Variants in TBC1D22A observed in about 807,000 individuals in gnomAD.
TBC1D22A encodes the protein putative GTPase activator.
TBC1D22A carries 38 observed loss-of-function variants against 60.2 expected under a neutral mutation model. The observed-to-expected ratio is 0.63, with a 90% CI of 0.49 to 0.83. The LOEUF (loss-of-function observed/expected upper bound fraction) is 0.83, where lower values mean the gene tolerates loss of function less well. TBC1D22A is among the 40% of genes least tolerant of loss of function. TBC1D22A has a pLI of 0.00. For missense variants in TBC1D22A, 628 were observed against 701.0 expected, an observed-to-expected ratio of 0.90 and a Z score of 1.18; for synonymous variants, 302 against 281.7, an observed-to-expected ratio of 1.07 and a Z score of -0.72.
At chr22:47,129,576 G>A (rs748745343) in intron 12 of TBC1D22A, among the ~76,000 whole-genome samples, 7 of 152,202 alleles carry the variant, frequency 4.6e-5, no homozygotes, top group Non-Finnish European at 5.9e-5. Context: ...TGAGGGTTAT[G>A]GCATACAAAT....
chr22:46,852,106 C>T (rs963397497), intron 4 of TBC1D22A, among the ~76,000 whole-genome samples: 25 of 152,328 alleles, frequency 1.6e-4, no homozygotes, highest in South Asian at 8.3e-4. Flanking sequence ...GGGAGTCAGC[C>T]GTCTTTCCCA....
intron 11 of TBC1D22A, among the ~76,000 whole-genome samples, chr22:47,100,108 G>A (rs1458413778): frequency 6.6e-6 from 1 of 152,216 alleles, no homozygotes; most frequent in Non-Finnish European, 1.5e-5. Context: ...CCAGCTGGGT[G>A]GCTTCCAGGG....
intron 8 of TBC1D22A, among the ~76,000 whole-genome samples, chr22:46,946,573 C>G (rs2072557213): frequency 6.6e-6 from 1 of 152,202 alleles, no homozygotes; most frequent in African/African-American, 2.4e-5. Flanking sequence ...CACAGAAGCA[C>G]TGAGTAGGTG....
chr22:47,008,994 C>A (rs1403356311), intron 10 of TBC1D22A, among the ~76,000 whole-genome samples: 2 of 152,182 alleles, frequency 1.3e-5, no homozygotes, highest in Non-Finnish European at 2.9e-5. Flanking sequence ...AGAAATAATT[C>A]TCGAACATTT....
intron 9 of TBC1D22A, among the ~76,000 whole-genome samples, chr22:46,994,407 C>G (rs1443113397): frequency 2.0e-5 from 3 of 152,194 alleles, no homozygotes; most frequent in East Asian, 3.9e-4. Context: ...CTTCGCCTCT[C>G]CCCGTTTTGG....
In TBC1D22A at chr22:46,988,158, G is replaced by A. The variant is rs78641962; in HGVS notation, c.1126-9476G>A. ...TCCATTTAAATTTTCCTGTGAGATT[G>A]CAGTAATTCAAGCACATTTTCAGAC... On this transcript the variant is annotated intron_variant, in intron 9 of 12. Coordinates refer to ENST00000337137, the MANE Select transcript of TBC1D22A (RefSeq NM_014346.5). Among the ~76,000 whole-genome samples, 992 of 151,824 alleles carry A rather than the reference G, an allele frequency of 6.5e-3. 10 individuals are homozygous for A. The highest frequency in any genetic ancestry group is 0.023 in the African/African-American group (956 of 41,422).
At chr22:46,775,432 CT>C (rs1255942014) in intron 1 of TBC1D22A, among the ~76,000 whole-genome samples, 2 of 151,914 alleles carry the variant, frequency 1.3e-5, no homozygotes, top group Admixed American at 1.3e-4. Flanking sequence ...CTGCTCACGT[CT>C]GGGGCCTTGG....
chr22:47,011,948 C>T (rs1288455991), intron 10 of TBC1D22A, among the ~76,000 whole-genome samples: 1 of 152,046 alleles, frequency 6.6e-6, no homozygotes, highest in Admixed American at 6.6e-5. Context: ...CCCTTGCTTA[C>T]ATCTGAGATT....
intron 12 of TBC1D22A, among the ~76,000 whole-genome samples, chr22:47,130,625 G>C (rs576370191): frequency 6.6e-6 from 1 of 152,100 alleles, no homozygotes; most frequent in African/African-American, 2.4e-5. Context: ...GCACCTTTTC[G>C]TTCCTTCCCC....
At chr22:46,793,880 G>A (rs1343219879) in intron 3 of TBC1D22A, 39 bp downstream of exon 3, 2 of 1,491,744 alleles carry the variant, frequency 1.3e-6, no homozygotes, top group Non-Finnish European at 1.8e-6. Context: ...TGGGTTTCTG[G>A]CCAAGCTAAG....
chr22:46,996,790 CAT>C (rs1322819113), intron 9 of TBC1D22A, among the ~76,000 whole-genome samples: 2 of 152,310 alleles, frequency 1.3e-5, no homozygotes, highest in Non-Finnish European at 2.9e-5. Flanking sequence ...CCCCTAGTGT[CAT>C]GTGTGTGCTC....
chr22:46,921,553 A>C (rs1266136831), intron 8 of TBC1D22A, among the ~76,000 whole-genome samples: 1 of 152,240 alleles, frequency 6.6e-6, no homozygotes, highest in African/African-American at 2.4e-5. Context: ...ATGAACATAC[A>C]CGTGTATGTG....
At chr22:47,135,218 G>A (rs964155129) in intron 12 of TBC1D22A, among the ~76,000 whole-genome samples, 2 of 152,210 alleles carry the variant, frequency 1.3e-5, no homozygotes, top group Admixed American at 6.5e-5. Context: ...GCAGGCCGGC[G>A]CAGGGCTCGG....
intron 8 of TBC1D22A, among the ~76,000 whole-genome samples, chr22:46,926,643 C>T (rs2071065481): frequency 6.6e-6 from 1 of 152,154 alleles, no homozygotes; most frequent in East Asian, 1.9e-4. Context: ...AGGTTACCCT[C>T]CACAATGTAG....
At chr22:47,012,987 C>T (rs1030293489) in intron 10 of TBC1D22A, among the ~76,000 whole-genome samples, 7 of 152,206 alleles carry the variant, frequency 4.6e-5, no homozygotes, top group South Asian at 2.1e-4. Context: ...GGAAAGCCAT[C>T]GTGCTCCAGT....
chr22:47,106,722 A>C (rs1198075910), intron 11 of TBC1D22A, among the ~76,000 whole-genome samples: 2 of 152,218 alleles, frequency 1.3e-5, no homozygotes, highest in African/African-American at 4.8e-5. Flanking sequence ...AAAGTCATGA[A>C]TAACTCTAAA....
chr22:46,923,517 T>C (rs954909141), intron 8 of TBC1D22A, among the ~76,000 whole-genome samples: 2 of 152,238 alleles, frequency 1.3e-5, no homozygotes, highest in African/African-American at 4.8e-5. Flanking sequence ...GGTCGCAGTG[T>C]CTAGGTCTGG....
intron 12 of TBC1D22A, among the ~76,000 whole-genome samples, chr22:47,136,948 T>C (rs5767526): frequency 0.73 from 111,179 of 152,076 alleles, 40,991 homozygotes; most frequent in East Asian, 0.97. Flanking sequence ...CCCGGGGCTG[T>C]GGGTGTCGCC....
chr22:47,096,938 G>C (rs1463266050), intron 11 of TBC1D22A, among the ~76,000 whole-genome samples: 1 of 152,266 alleles, frequency 6.6e-6, no homozygotes, highest in Non-Finnish European at 1.5e-5. Context: ...ACAGAGTCCA[G>C]TTTCATTCTT....
Sources: allele counts gnomAD v4.1 joint callset (sites outside exome capture counted in the v4.1 genomes callset), GRCh38; gene constraint gnomAD v4.1.1; transcripts MANE v1.5; gene names NCBI Gene and HGNC (gene_info 2026-07-23, HGNC 2026-07-21).